Variants in ATP6V0A4 observed in about 807,000 individuals in gnomAD.
ATP6V0A4 encodes V-type proton ATPase 116 kDa subunit a 4.
ATP6V0A4 carries 86 observed loss-of-function variants against 107.3 expected under a neutral mutation model. That is an observed-to-expected ratio of 0.80 (90% CI 0.67 to 0.96). The LOEUF is 0.96. Among genes scored for constraint, ATP6V0A4 ranks in the 40% least tolerant of loss-of-function variants. ATP6V0A4 has a pLI of 0.00. For synonymous variants in ATP6V0A4, 353 were observed against 381.4 expected, an observed-to-expected ratio of 0.93 and a Z score of 0.87; for missense variants, 908 against 1,045.6, an observed-to-expected ratio of 0.87 and a Z score of 1.81.
intron 2 of ATP6V0A4, among the ~76,000 whole-genome samples, chr7:138,780,468 C>A (rs1416501469): frequency 6.6e-6 from 1 of 152,082 alleles, no homozygotes; most frequent in African/African-American, 2.4e-5. Context: ...AGTCTATGGA[C>A]CCCCCAGTAC....
In ATP6V0A4 at chr7:138,714,542, TTAGA is replaced by T. The variant is rs560738190; in HGVS notation, c.2257+1218_2257+1221del. On this transcript the variant is annotated intron_variant, in intron 20 of 21. Transcript: ENST00000310018. ...GCAACATAGTGAGACCTTGTCTCTT[TTAGA>T]TAGATAGATAGATAGACAGACAGAC... 7.5e-3 allele frequency among the ~76,000 whole-genome samples: 1,101 copies of T among 146,438 alleles called. 15 individuals are homozygous for T. The highest frequency in any genetic ancestry group is 0.025 in the African/African-American group (1,004 of 39,710).
intron 13 of ATP6V0A4, among the ~76,000 whole-genome samples, chr7:138,746,309 A>G (rs1449217997): frequency 6.6e-6 from 1 of 151,914 alleles, no homozygotes; most frequent in Non-Finnish European, 1.5e-5. Context: ...GTGCTTTCTC[A>G]TAATACTGAA....
intron 2 of ATP6V0A4, among the ~76,000 whole-genome samples, chr7:138,772,262 A>G (rs1435923367): frequency 1.3e-5 from 2 of 152,264 alleles, no homozygotes; most frequent in Admixed American, 1.3e-4. Flanking sequence ...AGACCTGGAT[A>G]TGTATGGAGA....
At chr7:138,718,101 G>GGTA (rs1213723131) in intron 19 of ATP6V0A4, among the ~76,000 whole-genome samples, 1 of 117,494 alleles carries the variant, frequency 8.5e-6, no homozygotes, top group African/African-American at 3.2e-5. Context: ...GGAATGGGGG[G>GGTA]CGGGGGTGCA....
intron 15 of ATP6V0A4, among the ~76,000 whole-genome samples, chr7:138,734,668 C>G (rs547084435): frequency 6.6e-6 from 1 of 151,018 alleles, no homozygotes; most frequent in Non-Finnish European, 1.5e-5. Context: ...ATCCCAACTA[C>G]TCAGGAGGCT....
Position 138,716,586 on chromosome 7 carries a change from G to GGGA in ATP6V0A4, c.2140-706_2140-705insTCC, listed in dbSNP as rs1554388930. On this transcript the variant is annotated intron_variant, in intron 19 of 21. Coordinates refer to ENST00000310018, the MANE Select transcript of ATP6V0A4 (RefSeq NM_020632.3). The stretch of plus-strand genomic sequence containing the variant: ...AGACAATTTTTTTTTGGGGGGGGGG[G>GGGA]AGGGTCTTGCTCTGTCACTCAGGCT... Among the ~76,000 whole-genome samples, 202 of 148,420 alleles carry GGGA rather than the reference G, an allele frequency of 1.4e-3. 1 individual carries two copies. The highest frequency in any genetic ancestry group is 4.8e-3 in the African/African-American group (191 of 39,810).
intron 2 of ATP6V0A4, among the ~76,000 whole-genome samples, chr7:138,785,276 T>C (rs1456116531): frequency 1.5e-5 from 2 of 131,308 alleles, no homozygotes; most frequent in East Asian, 4.6e-4. Flanking sequence ...ACTTTCTTTT[T>C]TCTTTTTTTT....
Position 138,733,008 on chromosome 7 carries a change from T to A in ATP6V0A4, c.1777A>T (p.Met593Leu). Reference sequence around the variant, plus strand: ...AAGCAGCACCATTTGAAAATGATCATGAAAACCAGGTATCCAAACAGACAC... The same window carrying A: ...AAGCAGCACCATTTGAAAATGATCAAGAAAACCAGGTATCCAAACAGACAC... The part of the protein sequence containing the change: ...ILCLFGYLVF[M>L]IIFKWCCFDV... Residue 593 changes from methionine (M) to leucine (L), a missense_variant, in exon 17 of 22, where the codon ATG becomes TTG. Transcript: ENST00000310018. The A allele has an allele frequency of 1.2e-6, 2 of 1,613,992 alleles. No homozygotes were observed. Among genetic ancestry groups the A allele is most frequent in the Non-Finnish European group, 1.7e-6 (2 of 1,180,012 alleles).
At position 138,752,697 on chromosome 7, in the gene ATP6V0A4, C is replaced by T. The variant is rs1289455292; in HGVS notation, c.957G>A (p.Gln319=). 6.2e-7 allele frequency: 1 copy of T among 1,614,050 alleles called. No individual in the cohort carries two copies. Among genetic ancestry groups the T allele is most frequent in the Admixed American group, 1.7e-5 (1 of 60,016 alleles). Residue 319 remains glutamine (Q), a synonymous_variant, in exon 11 of 22, where the codon CAG becomes CAA. Coordinates refer to ENST00000310018, the MANE Select transcript of ATP6V0A4 (RefSeq NM_020632.3). ...LNMCNIDVTQ[Q]CVIAEIWFPV... Reference sequence around the variant, plus strand: ...GGAACCAGATCTCGGCGATGACACACTGCTGGGTGACGTCGATGTTGCACA... The same window carrying T: ...GGAACCAGATCTCGGCGATGACACATTGCTGGGTGACGTCGATGTTGCACA...
chr7:138,725,097 C>T (rs190954460), intron 18 of ATP6V0A4, among the ~76,000 whole-genome samples: 67 of 152,102 alleles, frequency 4.4e-4, no homozygotes, highest in African/African-American at 1.6e-3. Flanking sequence ...ATAGCAAGAC[C>T]TCATCTCTAC....
intron 10 of ATP6V0A4, among the ~76,000 whole-genome samples, chr7:138,754,137 G>C (rs1010871325): frequency 6.6e-6 from 1 of 152,156 alleles, no homozygotes; most frequent in African/African-American, 2.4e-5. Flanking sequence ...TGACAAAGAA[G>C]TAATGGAGAG....
intron 10 of ATP6V0A4, among the ~76,000 whole-genome samples, chr7:138,754,779 C>T (rs902103953): frequency 6.6e-6 from 1 of 151,970 alleles, no homozygotes; most frequent in African/African-American, 2.4e-5. Flanking sequence ...AGGTGACTGC[C>T]ACCACGCCTG....
intron 14 of ATP6V0A4, among the ~76,000 whole-genome samples, chr7:138,743,099 C>G (rs1805716321): frequency 6.6e-6 from 1 of 152,136 alleles, no homozygotes; most frequent in East Asian, 1.9e-4. Context: ...TTTCTACAGT[C>G]TCTTGGAGCC....
intron 12 of ATP6V0A4, among the ~76,000 whole-genome samples, chr7:138,748,008 G>A (rs938382320): frequency 4.6e-5 from 7 of 151,868 alleles, no homozygotes; most frequent in Admixed American, 2.0e-4. Flanking sequence ...CTCCCACCTC[G>A]GCCTCCCAAA....
At chr7:138,715,628 TG>T in intron 20 of ATP6V0A4, 135 bp downstream of exon 20, 2 of 1,299,984 alleles carry the variant, frequency 1.5e-6, no homozygotes, top group Non-Finnish European at 1.1e-6. Context: ...CACCTGTGCC[TG>T]GGAAAGAAGA....
intron 1 of ATP6V0A4, among the ~76,000 whole-genome samples, chr7:138,796,512 C>T (rs993456451): frequency 2.0e-5 from 3 of 152,136 alleles, no homozygotes; most frequent in African/African-American, 2.4e-5. Flanking sequence ...CCCATTCATG[C>T]GCAGGAACAC....
At chr7:138,760,630 C>A (rs922560432) in intron 7 of ATP6V0A4, among the ~76,000 whole-genome samples, 5 of 152,006 alleles carry the variant, frequency 3.3e-5, no homozygotes, top group Non-Finnish European at 7.4e-5. Context: ...TAACTGCTGA[C>A]CCAAACTTCT....
intron 2 of ATP6V0A4, among the ~76,000 whole-genome samples, chr7:138,784,045 T>C (rs1402595691): frequency 6.6e-6 from 1 of 151,744 alleles, no homozygotes; most frequent in African/African-American, 2.4e-5. Flanking sequence ...AGGGTGCCCA[T>C]TGGCAGGTAA....
chr7:138,767,706 C>T (rs568728479), intron 5 of ATP6V0A4, among the ~76,000 whole-genome samples: 2 of 151,802 alleles, frequency 1.3e-5, no homozygotes, highest in South Asian at 2.1e-4. Context: ...TGCCTACCTG[C>T]CCACGCCCTG....
Sources: gnomAD v4.1 joint callset for allele counts (sites outside exome capture counted in the v4.1 genomes callset) on GRCh38, gnomAD v4.1.1 for gene constraint, MANE v1.5 for transcripts, NCBI Gene and HGNC (gene_info 2026-07-23, HGNC 2026-07-21) for gene names.